ROBO1: variants seen among roughly 807,000 people sequenced by gnomAD.
ROBO1 encodes the protein roundabout homolog 1.
Under a neutral mutation model 195.9 loss-of-function variants are expected in ROBO1, and 149 were observed. The observed-to-expected ratio is 0.76, with a 90% CI of 0.67 to 0.87. The LOEUF (loss-of-function observed/expected upper bound fraction) is 0.87. ROBO1 is among the 40% of genes least tolerant of loss of function. The probability of loss-of-function intolerance (pLI) is 0.00; values close to 1 mark genes in which losing one functional copy is unlikely to be tolerated. For synonymous variants in ROBO1, 816 were observed against 733.2 expected, an observed-to-expected ratio of 1.11 and a Z score of -1.82; for missense variants, 1,933 against 2,068.3, an observed-to-expected ratio of 0.93 and a Z score of 1.27.
intron 4 of ROBO1, among the ~76,000 whole-genome samples, chr3:78,807,054 C>T (rs2084566103): frequency 6.6e-6 from 1 of 152,062 alleles, no homozygotes; most frequent in Admixed American, 6.6e-5. Flanking sequence ...GTGATCCACC[C>T]ACCTCGGCCT....
chr3:78,812,858 C>T (rs1345025472), intron 4 of ROBO1, among the ~76,000 whole-genome samples: 1 of 152,010 alleles, frequency 6.6e-6, no homozygotes, highest in African/African-American at 2.4e-5. Context: ...AAATCCTGAA[C>T]TTAACTATTA....
chr3:78,772,812 G>A (rs941218913), intron 4 of ROBO1, among the ~76,000 whole-genome samples: 2 of 152,020 alleles, frequency 1.3e-5, no homozygotes, highest in African/African-American at 2.4e-5. Flanking sequence ...AATTGGTGAA[G>A]AGTTTTCACT....
intron 4 of ROBO1, among the ~76,000 whole-genome samples, chr3:78,820,076 C>T (rs1471565910): frequency 6.6e-6 from 1 of 152,122 alleles, no homozygotes; most frequent in Non-Finnish European, 1.5e-5. Context: ...AATTTGAAAA[C>T]AAAGGGCTTT....
intron 8 of ROBO1, among the ~76,000 whole-genome samples, chr3:78,696,968 C>T (rs554626105): frequency 5.3e-5 from 8 of 151,218 alleles, no homozygotes; most frequent in South Asian, 2.1e-4. Flanking sequence ...ATATGTTGAA[C>T]GAAATATCCA....
chr3:78,860,018 G>GCA (rs1218801563), intron 4 of ROBO1, among the ~76,000 whole-genome samples: 1 of 151,758 alleles, frequency 6.6e-6, no homozygotes, highest in Non-Finnish European at 1.5e-5. Context: ...GGCGGAGCTT[G>GCA]CAGTGAGCTG....
chr3:78,639,852 C>A lies in ROBO1; in HGVS notation c.2929G>T (p.Ala977Ser). The A allele has an allele frequency of 6.2e-7, 1 of 1,612,034 alleles. No individual in the cohort carries two copies. Among genetic ancestry groups the A allele is most frequent in the Non-Finnish European group, 8.5e-7 (1 of 1,178,836 alleles). The change falls in exon 22 of 31, where the codon GCA (alanine) becomes TCA (serine). Residue 977 changes from alanine (A) to serine (S), a missense_variant. By Grantham distance (99) the Ala-to-Ser change is moderately conservative. Coordinates refer to ENST00000464233, the MANE Select transcript of ROBO1 (RefSeq NM_002941.4). Reference sequence around the variant, plus strand: ...TTGCCAGTATTAGGCCACGTGTCTGCCAGCCATGGCTGCGCGGCAGGTTCA... The same window carrying A: ...TTGCCAGTATTAGGCCACGTGTCTGACAGCCATGGCTGCGCGGCAGGTTCA... ...ISEPAAQPWL[A>S]DTWPNTGNNH...
intron 3 of ROBO1, among the ~76,000 whole-genome samples, chr3:79,084,113 T>C (rs1458647512): frequency 2.6e-5 from 4 of 152,208 alleles, no homozygotes; most frequent in Non-Finnish European, 5.9e-5. Context: ...GTTTAGACAG[T>C]TGCTAGATTT....
At chr3:79,457,666 T>A (rs2039662645) in intron 2 of ROBO1, among the ~76,000 whole-genome samples, 1 of 152,128 alleles carries the variant, frequency 6.6e-6, no homozygotes. Flanking sequence ...TGATCTTGAA[T>A]AAGTCTCACA....
chr3:79,550,201 GAAAA>G (rs1942450435), intron 2 of ROBO1, among the ~76,000 whole-genome samples: 174 of 23,184 alleles, frequency 7.5e-3, no homozygotes, highest in Middle Eastern at 0.022. Flanking sequence ...GAAAGGAAAA[GAAAA>G]GAAAAGAAAA....
In ROBO1 at chr3:78,635,891, G is replaced by C. The variant is rs1206912522; in HGVS notation, c.3255C>G (p.Asn1085Lys). ...TTQLIQSNLS[N>K]NMNNGSGDSG... ...AGTCCCCGCTGCCATTGTTCATGTT[G>C]TTGCTGAGGTTTGACTGGATGAGCT... Residue 1085 changes from asparagine to lysine, a missense_variant, in exon 23 of 31, where the codon AAC becomes AAG. Physicochemically the swap from Asn to Lys is moderately conservative, Grantham distance 94. This residue lies in a region of ROBO1 where 1,737 missense variants were observed against 1,882.5 expected (regional missense o/e 0.92). Transcript: ENST00000464233. The C allele has an allele frequency of 3.1e-6, 5 of 1,613,796 alleles. No homozygotes were observed. The East Asian group carries it at 1.1e-4, about 36-fold the overall frequency.
chr3:79,403,624 G>C (rs903942733), intron 2 of ROBO1, among the ~76,000 whole-genome samples: 7 of 151,876 alleles, frequency 4.6e-5, no homozygotes, highest in African/African-American at 1.7e-4. Context: ...CCTACTTTTG[G>C]GGATTAATTT....
chr3:79,488,365 A>G (rs921948661), intron 2 of ROBO1, among the ~76,000 whole-genome samples: 10 of 152,172 alleles, frequency 6.6e-5, no homozygotes, highest in African/African-American at 2.4e-4. Flanking sequence ...GAGCACTTTA[A>G]TGGGTCATAA....
chr3:79,503,064 T>G (rs1401025509), intron 2 of ROBO1, among the ~76,000 whole-genome samples: 2 of 152,150 alleles, frequency 1.3e-5, no homozygotes, highest in African/African-American at 4.8e-5. Flanking sequence ...TTCCACACTG[T>G]GAAAGCTTTG....
In ROBO1 at chr3:79,675,666, C is replaced by T. The variant is rs6548647; in HGVS notation, c.-50-85705G>A. On this transcript the variant is annotated intron_variant, in intron 1 of 30. Transcript: ENST00000464233. ...AACATTTAATTTTAAAAAATCATTT[C>T]TTTTGATTGCTGAGAAAATGGGGGA... Among the ~76,000 whole-genome samples the T allele has an allele frequency of 1.3e-3, 191 of 151,906 alleles. 1 individual carries two copies. The highest frequency in any genetic ancestry group is 4.5e-3 in the African/African-American group (187 of 41,452).
intron 10 of ROBO1, among the ~76,000 whole-genome samples, chr3:78,674,891 C>G (rs1272685304): frequency 6.6e-6 from 1 of 151,926 alleles, no homozygotes; most frequent in African/African-American, 2.4e-5. Flanking sequence ...GTGTATCACT[C>G]TATGTTCTAA....
chr3:79,079,398 A>G (rs1381808680), intron 3 of ROBO1, among the ~76,000 whole-genome samples: 6 of 151,822 alleles, frequency 4.0e-5, no homozygotes, highest in East Asian at 1.9e-4. Flanking sequence ...TTCTAAAGAA[A>G]TGATAATTGC....
intron 2 of ROBO1, among the ~76,000 whole-genome samples, chr3:79,530,668 G>C (rs1049624692): frequency 1.3e-5 from 2 of 151,418 alleles, no homozygotes; most frequent in African/African-American, 4.9e-5. Flanking sequence ...TCGCTTCCTA[G>C]CTGACTTGGC....
chr3:79,016,467 G>A (rs1036288563), intron 3 of ROBO1, among the ~76,000 whole-genome samples: 4 of 152,190 alleles, frequency 2.6e-5, no homozygotes, highest in Non-Finnish European at 5.9e-5. Flanking sequence ...CTAAAAGCTA[G>A]AAATCAGTGT....
At chr3:79,402,166 A>G (rs935101067) in intron 2 of ROBO1, among the ~76,000 whole-genome samples, 1 of 151,936 alleles carries the variant, frequency 6.6e-6, no homozygotes, top group Non-Finnish European at 1.5e-5. Context: ...TGAGAATTAG[A>G]AAAAATAAAC....
Sources: allele counts gnomAD v4.1 joint callset (sites outside exome capture counted in the v4.1 genomes callset), GRCh38; gene constraint gnomAD v4.1.1; regional missense constraint gnomAD v4.1.1; transcripts MANE v1.5; gene names NCBI Gene and HGNC (gene_info 2026-07-23, HGNC 2026-07-21).